FMR1: variants seen among roughly 807,000 people sequenced by gnomAD.
FMR1 encodes the protein fragile X messenger ribonucleoprotein 1, also known as FMRP translational regulator 1.
FMR1 carries 13 observed loss-of-function variants against 50.6 expected under a neutral mutation model. The ratio of observed to expected loss-of-function variants is 0.26; its 90% confidence interval spans 0.17 to 0.41. The LOEUF (loss-of-function observed/expected upper bound fraction) is 0.41. Ranked by LOEUF, FMR1 falls within the 10% of genes least tolerant of loss-of-function variation. The pLI is 1.00. For synonymous variants in FMR1, 138 were observed against 164.1 expected, an observed-to-expected ratio of 0.84 and a Z score of 1.22; for missense variants, 316 against 491.3, an observed-to-expected ratio of 0.64 and a Z score of 3.37.
In FMR1 at chrX:147,946,541, G is replaced by A. The variant is rs782591190; in HGVS notation, c.1737+925G>A. Among the ~76,000 whole-genome samples the A allele has an allele frequency of 3.7e-4, 42 of 112,258 alleles. 1 individual carries two copies. Among genetic ancestry groups the A allele is most frequent in the Admixed American group, 1.1e-3 (12 of 10,596 alleles). On this transcript the variant is annotated intron_variant, in intron 16 of 16. Transcript: ENST00000370475. ...CAGGCACCTTTGCTAAGTGCTTTGT[G>A]TATGTTTTATCTCATTTAATCTTAC...
intron 11 of FMR1, 95 bp from the exon 12 acceptor site, chrX:147,938,004 G>C (rs2043849827): frequency 1.5e-6 from 1 of 685,155 alleles, no homozygotes. Context: ...TTAGAAATGG[G>C]TTTAAAAGTC....
intron 14 of FMR1, 172 bp downstream of exon 14, chrX:147,943,498 C>T (rs1238197212): frequency 8.5e-6 from 4 of 470,812 alleles, no homozygotes; most frequent in Admixed American, 3.3e-5. Flanking sequence ...ATGATAAACA[C>T]GTAGAGTTCA....
At chrX:147,933,031 C>T (rs989328291) in intron 9 of FMR1, among the ~76,000 whole-genome samples, 1 of 96,490 alleles carries the variant, frequency 1.0e-5, no homozygotes, top group African/African-American at 3.8e-5. Context: ...TATCTCCCAA[C>T]GCTATCCCTC....
At chrX:147,941,976 A>G (rs1282779873) in intron 13 of FMR1, among the ~76,000 whole-genome samples, 1 of 112,701 alleles carries the variant, frequency 8.9e-6, no homozygotes, top group Non-Finnish European at 1.9e-5. Context: ...TCTGTTTTGC[A>G]AGATATTCCT....
Position 147,951,047 on chromosome X carries a change from T to C in FMR1, c.*2203T>C. The C allele has an allele frequency of 4.1e-6, 1 of 245,015 alleles. No individual in the cohort carries two copies. Among genetic ancestry groups the C allele is most frequent in the South Asian group, 4.2e-5 (1 of 24,060 alleles). The allele number at this position is 245,015 out of a possible 1,213,427, so 20.2% of individuals were successfully genotyped here. ...AGTCATGATGTTTTTAAAATCTTAT[T>C]AAAGTTTCAAAAATCTGAAGATTGT... is the stretch of plus-strand genomic sequence containing the variant. On this transcript the variant is annotated 3_prime_UTR_variant, in exon 17 of 17. Transcript: ENST00000370475.
intron 9 of FMR1, among the ~76,000 whole-genome samples, chrX:147,935,053 A>T (rs1269122718): frequency 1.8e-5 from 2 of 111,866 alleles, no homozygotes; most frequent in African/African-American, 6.5e-5. Context: ...AACATCCCCA[A>T]ATCTCATTTT....
At chrX:147,944,762 G>GGGTA in intron 14 of FMR1, 107 bp from the exon 15 acceptor site, 1 of 1,116,481 alleles carries the variant, frequency 9.0e-7, no homozygotes, top group East Asian at 3.2e-5. Context: ...CTTATAAATT[G>GGGTA]GGAAGAGTTT....
chrX:147,913,851 A>G (rs1366585284), intron 1 of FMR1: 1 of 111,982 alleles, frequency 8.9e-6, no homozygotes, highest in Non-Finnish European at 1.9e-5. Context: ...GGTTTTGGTC[A>G]CTAGATTTCT....
At chrX:147,948,560 TCTC>T in intron 16 of FMR1, 120 bp from the exon 17 acceptor site, 14 of 1,159,299 alleles carry the variant, frequency 1.2e-5, no homozygotes, top group Non-Finnish European at 1.6e-5. Context: ...CTTCTTCTGT[TCTC>T]ATCTCCATTT....
intron 12 of FMR1, among the ~76,000 whole-genome samples, chrX:147,938,787 C>T (rs1423772457): frequency 1.8e-5 from 2 of 111,809 alleles, no homozygotes; most frequent in African/African-American, 3.3e-5. Flanking sequence ...AGGACTATAA[C>T]GGCAAGTGGA....
intron 1 of FMR1, 124 bp downstream of exon 1, chrX:147,912,354 C>G: frequency 3.1e-6 from 2 of 652,030 alleles, no homozygotes; most frequent in East Asian, 7.9e-5. Context: ...AGGGCACGCT[C>G]GGCGGGATGT....
At chrX:147,936,385 TACATAC>T (rs1331810171) in intron 9 of FMR1, 113 bp from the exon 10 acceptor site, 8 of 498,052 alleles carry the variant, frequency 1.6e-5, no homozygotes, top group Non-Finnish European at 2.1e-5. Flanking sequence ...TACAATTCAA[TACATAC>T]ACATACACAT....
In FMR1 at chrX:147,945,589, A is replaced by T. The variant is rs2044145297; in HGVS notation, c.1710A>T (p.Lys570Asn). 8.3e-7 allele frequency: 1 copy of T among 1,205,794 alleles called. No homozygotes were observed. The highest frequency in any genetic ancestry group is 1.7e-5 in the African/African-American group (1 of 57,375). ...GTCCACGTAATCCAAGAGAGGCTAA[A>T]GGAAGAACAACAGATGGATCCCTTC... ...DNRPRNPREA[K>N]GRTTDGSLQI... Residue 570 changes from lysine to asparagine, a missense_variant, in exon 16 of 17, where the codon AAA (lysine) becomes AAT (asparagine). This residue lies in a region of FMR1 where 124 missense variants were observed against 160.8 expected (regional missense o/e 0.77). Transcript: ENST00000370475.
chrX:147,930,278 T>C (rs782112975), intron 7 of FMR1, 34 bp downstream of exon 7: 3 of 851,288 alleles, frequency 3.5e-6, no homozygotes, highest in Non-Finnish European at 5.3e-6. Flanking sequence ...CTTGTAAGGG[T>C]ACCTAGGAAC....
chrX:147,916,088 A>G (rs1258700533), intron 1 of FMR1, among the ~76,000 whole-genome samples: 2 of 112,092 alleles, frequency 1.8e-5, no homozygotes, highest in Non-Finnish European at 3.8e-5. Flanking sequence ...TAATTCTTGA[A>G]CCTTGGCGCT....
chrX:147,943,499 G>A (rs781934194), intron 14 of FMR1, 173 bp downstream of exon 14: 9 of 468,707 alleles, frequency 1.9e-5, no homozygotes, highest in East Asian at 3.7e-5. Context: ...TGATAAACAC[G>A]TAGAGTTCAC....
intron 1 of FMR1, chrX:147,914,411 T>C (rs2124407471): frequency 8.9e-6 from 1 of 112,230 alleles, no homozygotes; most frequent in Admixed American, 9.4e-5. Flanking sequence ...TCCAGTGGGA[T>C]GGACAGGAAA....
At chrX:147,916,983 C>G (rs1420313011) in intron 1 of FMR1, among the ~76,000 whole-genome samples, 1 of 112,344 alleles carries the variant, frequency 8.9e-6, no homozygotes, top group Non-Finnish European at 1.9e-5. Flanking sequence ...CTCAGCCCTC[C>G]AAAGTGCTGG....
chrX:147,939,287 G>A (rs782462064), intron 12 of FMR1, among the ~76,000 whole-genome samples: 2 of 109,348 alleles, frequency 1.8e-5, no homozygotes, highest in South Asian at 3.8e-4. Context: ...ATATATATAT[G>A]GGCTAGGAGT....
Sources: gnomAD v4.1 joint callset for allele counts (sites outside exome capture counted in the v4.1 genomes callset) on GRCh38, gnomAD v4.1.1 for gene constraint, gnomAD v4.1.1 regional missense constraint, MANE v1.5 for transcripts, NCBI Gene and HGNC (gene_info 2026-07-23, HGNC 2026-07-21) for gene names.